The following SETBP1 variants were observed in gnomAD, a reference collection of about 807,000 sequenced individuals.
SETBP1 encodes the protein SET-binding protein.
Under a neutral mutation model 101.0 loss-of-function variants are expected in SETBP1, and 9 were observed. That is an observed-to-expected ratio of 0.09 (90% CI 0.05 to 0.16). The LOEUF is 0.16. SETBP1 is among the 10% of genes least tolerant of loss of function. The pLI is 1.00. For synonymous variants in SETBP1, 818 were observed against 788.5 expected (o/e 1.04, Z -0.63); for missense variants, 1,858 against 2,033.8 (o/e 0.91, Z 1.66).
At chr18:44,799,605 C>T (rs1409908387) in intron 2 of SETBP1, among the ~76,000 whole-genome samples, 1 of 151,948 alleles carries the variant, frequency 6.6e-6, no homozygotes, top group Non-Finnish European at 1.5e-5. Flanking sequence ...CGCAGATGAA[C>T]CATGATCACA....
At chr18:45,011,178 GT>G in intron 4 of SETBP1, among the ~76,000 whole-genome samples, 1 of 152,248 alleles carries the variant, frequency 6.6e-6, no homozygotes, top group East Asian at 1.9e-4. Flanking sequence ...ACAGGACTAC[GT>G]TGTTAGAATC....
At chr18:44,975,179 A>G (rs539824788) in intron 4 of SETBP1, among the ~76,000 whole-genome samples, 2 of 152,320 alleles carry the variant, frequency 1.3e-5, no homozygotes, top group South Asian at 4.2e-4. Flanking sequence ...GTCTTTCTGC[A>G]CTGAGAAAGA....
At chr18:44,954,112 A>G (rs748859632) in intron 4 of SETBP1, among the ~76,000 whole-genome samples, 2 of 152,130 alleles carry the variant, frequency 1.3e-5, no homozygotes, top group African/African-American at 4.8e-5. Context: ...GCTGGTTGCT[A>G]CTAGAAGGAT....
chr18:44,919,745 T>C (rs1295048939), intron 3 of SETBP1, among the ~76,000 whole-genome samples: 1 of 151,208 alleles, frequency 6.6e-6, no homozygotes, highest in African/African-American at 2.4e-5. Flanking sequence ...ATTATATATA[T>C]GTATACATAT....
intron 2 of SETBP1, among the ~76,000 whole-genome samples, chr18:44,739,807 C>T (rs779864966): frequency 1.1e-4 from 16 of 152,128 alleles, no homozygotes; most frequent in South Asian, 6.2e-4. Flanking sequence ...GTCTGATGTC[C>T]GAGTAGGAGT....
chr18:44,867,571 T>C (rs2069156104), intron 2 of SETBP1, among the ~76,000 whole-genome samples: 1 of 152,214 alleles, frequency 6.6e-6, no homozygotes, highest in African/African-American at 2.4e-5. Context: ...AGGGACAAAG[T>C]CTATCATTAC....
chr18:44,914,205 G>T (rs1460918773), intron 3 of SETBP1, among the ~76,000 whole-genome samples: 1 of 152,196 alleles, frequency 6.6e-6, no homozygotes, highest in Non-Finnish European at 1.5e-5. Context: ...AAAGTAAACT[G>T]CAGTGTCGTG....
At chr18:44,937,727 G>A (rs1015768260) in intron 3 of SETBP1, among the ~76,000 whole-genome samples, 3 of 152,108 alleles carry the variant, frequency 2.0e-5, no homozygotes, top group Non-Finnish European at 1.5e-5. Context: ...AGAAATGCAC[G>A]CTTGCAGCCC....
intron 2 of SETBP1, among the ~76,000 whole-genome samples, chr18:44,759,200 T>C (rs1357274253): frequency 6.6e-6 from 1 of 152,164 alleles, no homozygotes; most frequent in Admixed American, 6.5e-5. Flanking sequence ...GGGCATGGGA[T>C]GGTGGCAGCC....
chr18:44,765,331 TTC>T (rs968078330), intron 2 of SETBP1, among the ~76,000 whole-genome samples: 2 of 152,200 alleles, frequency 1.3e-5, no homozygotes, highest in African/African-American at 4.8e-5. Context: ...TTGGTTTTGT[TTC>T]TCTCTCTTTG....
intron 3 of SETBP1, among the ~76,000 whole-genome samples, chr18:44,930,510 G>T (rs1007495525): frequency 1.3e-5 from 2 of 152,190 alleles, no homozygotes; most frequent in African/African-American, 4.8e-5. Flanking sequence ...CAGAAGGAAT[G>T]GTACCAGTTC....
chr18:44,998,575 A>T (rs2072549223), intron 4 of SETBP1, among the ~76,000 whole-genome samples: 1 of 152,218 alleles, frequency 6.6e-6, no homozygotes, highest in South Asian at 2.1e-4. Flanking sequence ...TTCCTTTTTC[A>T]TATACAGCTA....
intron 2 of SETBP1, among the ~76,000 whole-genome samples, chr18:44,816,978 G>A (rs555701905): frequency 1.4e-4 from 22 of 152,074 alleles, no homozygotes; most frequent in Non-Finnish European, 2.9e-4. Flanking sequence ...TGTGTTTGGG[G>A]TCAGATGATA....
At chr18:45,001,698 T>C (rs2072621738) in intron 4 of SETBP1, among the ~76,000 whole-genome samples, 1 of 152,162 alleles carries the variant, frequency 6.6e-6, no homozygotes, top group Admixed American at 6.5e-5. Flanking sequence ...CTTGCAAAAC[T>C]CCTGCAATGA....
chr18:44,945,089 T>A (rs1421257249), intron 3 of SETBP1, among the ~76,000 whole-genome samples: 2 of 152,190 alleles, frequency 1.3e-5, no homozygotes, highest in Non-Finnish European at 2.9e-5. Context: ...CATGTTGGTG[T>A]GCTGCACCCA....
chr18:44,686,100 C>T (rs892521895), intron 1 of SETBP1, among the ~76,000 whole-genome samples: 7 of 152,236 alleles, frequency 4.6e-5, no homozygotes, highest in African/African-American at 1.7e-4. Context: ...TCTAGCCCCT[C>T]TAAAGAAAAG....
At chr18:44,930,431 C>G (rs1466093073) in intron 3 of SETBP1, among the ~76,000 whole-genome samples, 1 of 152,130 alleles carries the variant, frequency 6.6e-6, no homozygotes, top group Non-Finnish European at 1.5e-5. Context: ...GCTTTGGTAT[C>G]AGGATGATGT....
chr18:44,949,932 C>T lies in SETBP1; in HGVS notation c.592C>T (p.Pro198Ser). The T allele has an allele frequency of 6.2e-7, 1 of 1,614,090 alleles. No individual in the cohort carries two copies. The change falls in exon 4 of 6, where the codon CCA becomes TCA. Residue 198 changes from proline (P) to serine (S), a missense_variant. Coordinates refer to ENST00000649279, the MANE Select transcript of SETBP1 (RefSeq NM_015559.3). ...HSTLHYDTGL[P>S]QDFTGDTLKP... is the part of the protein sequence containing the mutation. ...AACTCTCCATTATGACACGGGCCTC[C>T]CACAGGACTTCACCGGTGACACCTT... is the stretch of plus-strand genomic sequence containing the variant.
At chr18:44,726,513 G>A (rs1034129354) in intron 2 of SETBP1, among the ~76,000 whole-genome samples, 3 of 152,146 alleles carry the variant, frequency 2.0e-5, no homozygotes, top group African/African-American at 7.2e-5. Flanking sequence ...CTTGCCAAAT[G>A]ACATCTAGAG....
Sources: allele counts gnomAD v4.1 joint callset (sites outside exome capture counted in the v4.1 genomes callset), GRCh38; gene constraint gnomAD v4.1.1; transcripts MANE v1.5; gene names NCBI Gene and HGNC (gene_info 2026-07-23, HGNC 2026-07-21).